PREX2: variants seen among roughly 807,000 people sequenced by gnomAD.
PREX2 encodes the protein phosphatidylinositol-3,4,5-trisphosphate dependent Rac exchange factor 2.
PREX2 carries 107 observed loss-of-function variants against 203.2 expected under a neutral mutation model. That is an observed-to-expected ratio of 0.53 (90% CI 0.45 to 0.62). PREX2 has a LOEUF of 0.62. Ranked by LOEUF, PREX2 falls within the 20% of genes least tolerant of loss-of-function variation. The probability of loss-of-function intolerance (pLI) is 0.00; values close to 1 mark genes in which losing one functional copy is unlikely to be tolerated. For missense variants in PREX2, 1,777 were observed against 1,955.9 expected (o/e 0.91, Z 1.72); for synonymous variants, 672 against 663.6 (o/e 1.01, Z -0.19).
chr8:67,986,304 G>T (rs1483241586), intron 1 of PREX2, among the ~76,000 whole-genome samples: 1 of 152,000 alleles, frequency 6.6e-6, no homozygotes, highest in Non-Finnish European at 1.5e-5. Flanking sequence ...GAAATTCCCA[G>T]AATCACCCAG....
At position 68,061,760 on chromosome 8, in the gene PREX2, C is replaced by CA. The variant is rs1451794043; in HGVS notation, c.1339+983dup. Among the ~76,000 whole-genome samples, 3 of 152,076 alleles carry CA rather than the reference C, an allele frequency of 2.0e-5. No homozygotes were observed. In the East Asian group the frequency reaches 5.8e-4, roughly 29 times the overall value. ...AGGCCAGCCAGTGGGGAGTGGCCAGCAAGCGGTTGAGAGTTTGGGGTGAAG... is the reference window on the plus strand; with the variant it reads ...AGGCCAGCCAGTGGGGAGTGGCCAGCAAAGCGGTTGAGAGTTTGGGGTGAAG... On this transcript the variant is annotated intron_variant, in intron 11 of 39. Transcript: ENST00000288368.
rs956236858 is a variant in PREX2, at chr8:68,231,746, C to A, written c.*368C>A. The A allele has an allele frequency of 3.6e-5, 7 of 192,366 alleles. No individual in the cohort carries two copies. The highest frequency in any genetic ancestry group is 1.8e-4 in the Admixed American group (3 of 16,312). 11.9% of individuals were successfully genotyped at this position (192,366 alleles called of 1,614,324 possible). On this transcript the variant is annotated 3_prime_UTR_variant, in exon 40 of 40. Coordinates refer to ENST00000288368, the MANE Select transcript of PREX2 (RefSeq NM_024870.4). ...AAAATGGTTTTATTATGCTTGTTTTCATCTTTCCCAAGTGGACACATGTAA... is the reference window on the plus strand; with the variant it reads ...AAAATGGTTTTATTATGCTTGTTTTAATCTTTCCCAAGTGGACACATGTAA...
At chr8:68,047,263 C>T (rs1808379994) in intron 8 of PREX2, among the ~76,000 whole-genome samples, 1 of 151,748 alleles carries the variant, frequency 6.6e-6, no homozygotes, top group Non-Finnish European at 1.5e-5. Context: ...TTTAAGTCTG[C>T]TATATTTTTT....
At chr8:68,166,966 C>T (rs950360456) in intron 35 of PREX2, among the ~76,000 whole-genome samples, 3 of 152,092 alleles carry the variant, frequency 2.0e-5, no homozygotes, top group Non-Finnish European at 4.4e-5. Context: ...AAAATTTATT[C>T]TTGCGTTAGT....
intron 10 of PREX2, among the ~76,000 whole-genome samples, chr8:68,060,410 T>C: frequency 6.6e-6 from 1 of 152,246 alleles, no homozygotes; most frequent in East Asian, 1.9e-4. Flanking sequence ...TCACTTTGTG[T>C]TTATTAGAGG....
intron 1 of PREX2, among the ~76,000 whole-genome samples, chr8:68,009,568 C>T (rs1301676384): frequency 1.3e-5 from 2 of 151,902 alleles, no homozygotes; most frequent in Non-Finnish European, 2.9e-5. Flanking sequence ...TTTAGAAATC[C>T]GTTTTATTTC....
intron 11 of PREX2, among the ~76,000 whole-genome samples, chr8:68,064,672 C>T (rs901145923): frequency 5.9e-5 from 9 of 152,070 alleles, no homozygotes; most frequent in Non-Finnish European, 1.3e-4. Context: ...GCCACCATGC[C>T]GGACCTGTAA....
intron 11 of PREX2, among the ~76,000 whole-genome samples, chr8:68,064,378 T>C (rs1389635496): frequency 1.3e-5 from 2 of 151,904 alleles, no homozygotes; most frequent in African/African-American, 4.8e-5. Flanking sequence ...TTTGGGGGGT[T>C]GGGGGGCAGG....
intron 20 of PREX2, among the ~76,000 whole-genome samples, 199 bp from the exon 21 acceptor site, chr8:68,093,406 A>AAAAAAG (rs1312117938): frequency 6.7e-6 from 1 of 150,312 alleles, no homozygotes; most frequent in South Asian, 2.1e-4. Context: ...AAAAAAAAAA[A>AAAAAAG]AAAAAGAAAG....
chr8:67,958,891 G>A (rs1344739344), intron 1 of PREX2, among the ~76,000 whole-genome samples: 2 of 152,260 alleles, frequency 1.3e-5, no homozygotes, highest in South Asian at 4.1e-4. Flanking sequence ...AAATGAATTT[G>A]CTTTTGGACA....
chr8:68,073,550 G>C (rs1396994438), intron 14 of PREX2, among the ~76,000 whole-genome samples: 6 of 152,058 alleles, frequency 3.9e-5, no homozygotes, highest in Admixed American at 3.9e-4. Flanking sequence ...TTTTTAGGCT[G>C]TTCAAGAACA....
chr8:68,137,301 T>G (rs1280433836), intron 32 of PREX2, among the ~76,000 whole-genome samples: 2 of 152,076 alleles, frequency 1.3e-5, no homozygotes, highest in Non-Finnish European at 2.9e-5. Flanking sequence ...GGGGTCTTGC[T>G]CTGTCGCCCA....
intron 30 of PREX2, among the ~76,000 whole-genome samples, chr8:68,121,754 A>C (rs1478639325): frequency 2.6e-5 from 4 of 152,172 alleles, no homozygotes; most frequent in African/African-American, 9.6e-5. Flanking sequence ...AGTGGTTGGC[A>C]ACATCTGGAG....
Position 68,019,678 on chromosome 8 carries a change from T to A in PREX2, c.336+7T>A. ...AACCTGCTTTCTTCACTTTGTAGGATAAATTTCTTTTTATTTTAAAAGTTC... is the reference window on the plus strand; with the variant it reads ...AACCTGCTTTCTTCACTTTGTAGGAAAAATTTCTTTTTATTTTAAAAGTTC... On this transcript the variant is annotated splice_region_variant and intron_variant, in intron 3 of 39. Transcript: ENST00000288368. The A allele has an allele frequency of 1.3e-6, 2 of 1,595,498 alleles. No individual in the cohort carries two copies. The highest frequency in any genetic ancestry group is 1.7e-6 in the Non-Finnish European group (2 of 1,175,282).
intron 39 of PREX2, among the ~76,000 whole-genome samples, chr8:68,227,369 G>T (rs187722011): frequency 8.1e-4 from 123 of 152,274 alleles, no homozygotes; most frequent in African/African-American, 2.9e-3. Context: ...GGTGCTGGTG[G>T]TTCTTTCCTC....
intron 1 of PREX2, among the ~76,000 whole-genome samples, chr8:67,989,651 T>C (rs1806540765): frequency 6.6e-6 from 1 of 152,248 alleles, no homozygotes; most frequent in African/African-American, 2.4e-5. Context: ...ACCTTAGCGA[T>C]TTAAAGTTGT....
At position 68,233,574 on chromosome 8, in the gene PREX2, C is replaced by G. The variant is rs1442406748; in HGVS notation, c.*2196C>G. The G allele has an allele frequency of 6.6e-6, 1 of 152,088 alleles. No homozygotes were observed. Among genetic ancestry groups the G allele is most frequent in the Admixed American group, 6.6e-5 (1 of 15,264 alleles). The allele number at this position is 152,088 out of a possible 1,614,324, so 9.4% of individuals were successfully genotyped here. A position where few individuals can be genotyped will look rare whatever the true frequency, so the allele number is the denominator to read the frequency against. On this transcript the variant is annotated 3_prime_UTR_variant, in exon 40 of 40. Coordinates refer to ENST00000288368, the MANE Select transcript of PREX2 (RefSeq NM_024870.4). ...AACATCAGTCACTCTAACTTCTGAT[C>G]GTAATAAAAATTGTAGCTAACACTT...
intron 11 of PREX2, among the ~76,000 whole-genome samples, chr8:68,065,004 C>T (rs1563526065): frequency 6.6e-6 from 1 of 152,128 alleles, no homozygotes; most frequent in African/African-American, 2.4e-5. Context: ...TAAAAGATTG[C>T]ATTAAGCAGC....
chr8:68,105,235 C>T (rs1465331003), intron 23 of PREX2: 12 of 1,367,678 alleles, frequency 8.8e-6, no homozygotes, highest in Non-Finnish European at 1.2e-5. Flanking sequence ...TTTCCAGTAC[C>T]TGTGACTATG....
Sources: allele counts gnomAD v4.1 joint callset (sites outside exome capture counted in the v4.1 genomes callset), GRCh38; gene constraint gnomAD v4.1.1; transcripts MANE v1.5; gene names NCBI Gene and HGNC (gene_info 2026-07-23, HGNC 2026-07-21).